AGPAT4: variants seen among roughly 807,000 people sequenced by gnomAD.
AGPAT4 encodes 1-acylglycerol-3-phosphate O-acyltransferase 4, also known as 1-acyl-sn-glycerol-3-phosphate acyltransferase delta.
AGPAT4 carries 15 observed loss-of-function variants against 48.0 expected under a neutral mutation model. The ratio of observed to expected loss-of-function variants is 0.31; its 90% CI spans 0.21 to 0.48. The LOEUF is 0.48. Ranked by LOEUF, AGPAT4 falls within the 20% of genes least tolerant of loss-of-function variation. The probability of loss-of-function intolerance (pLI) is 0.99; values close to 1 mark genes in which losing one functional copy is unlikely to be tolerated. For missense variants in AGPAT4, 314 were observed against 482.5 expected (o/e 0.65, Z 3.27); for synonymous variants, 178 against 198.7 (o/e 0.90, Z 0.88).
In AGPAT4 at chr6:161,245,885, A is replaced by G. The variant is rs1782633334; in HGVS notation, c.-89-13583T>C. Among the ~76,000 whole-genome samples the G allele has an allele frequency of 6.6e-6, 1 of 152,232 alleles. No homozygotes were observed. Among genetic ancestry groups the G allele is most frequent in the South Asian group, 2.1e-4 (1 of 4,834 alleles). On this transcript the variant is annotated intron_variant, in intron 1 of 8. Transcript: ENST00000320285. This position sits in a 1 kb window ranked among gnomAD's most constrained non-coding sequence, Gnocchi z 5.2. ...CCCCAGTTTGATTCATGCATAATGG[A>G]CCTGAAGAGAGACTTATTAGAAAAC...
rs1389485612 is a variant in AGPAT4 at position 161,196,347 on chromosome 6, C to A, written c.179-29930G>T. ...AAAAAAAAGAGGCAGTCAGGGCAAA[C>A]CCAACAGATAAGTCACATCAAATAA... On this transcript the variant is annotated intron_variant, in intron 2 of 8. Coordinates refer to ENST00000320285, the MANE Select transcript of AGPAT4 (RefSeq NM_020133.3). The surrounding 1 kb of genome is among the most constrained non-coding windows in gnomAD (Gnocchi z 4.3). 6.6e-6 allele frequency among the ~76,000 whole-genome samples: 1 copy of A among 152,096 alleles called. No homozygotes were observed. The highest frequency in any genetic ancestry group is 1.5e-5 in the Non-Finnish European group (1 of 68,020).
rs1783185002 is a variant in AGPAT4, at chr6:161,264,297, G to A, written c.-90+9641C>T. On this transcript the variant is annotated intron_variant, in intron 1 of 8. Transcript: ENST00000320285. This position sits in a 1 kb window ranked among gnomAD's most constrained non-coding sequence, Gnocchi z 6.8. ...CTTCTGGGCCTCCCCTCCCAGAGCT[G>A]CAGGATGCTCAGCCTCTCTCTGCTT... Among the ~76,000 whole-genome samples the A allele has an allele frequency of 1.3e-5, 2 of 152,052 alleles. No homozygotes were observed. The highest frequency in any genetic ancestry group is 1.5e-5 in the Non-Finnish European group (1 of 68,016).
At chr6:161,192,864 G>C (rs1780964262) in intron 2 of AGPAT4, among the ~76,000 whole-genome samples, 1 of 152,182 alleles carries the variant, frequency 6.6e-6, no homozygotes, top group African/African-American at 2.4e-5. Flanking sequence ...GCTGCAGCTG[G>C]GAAGAAGTTA....
At position 161,144,005 on chromosome 6, in the gene AGPAT4, G is replaced by T. The variant is rs375701472; in HGVS notation, c.843+2519C>A. ...ACACCACACTTCTGACTGCAAGGTT[G>T]ATCATTAAAATGAAATCCCACTTTG... On this transcript the variant is annotated intron_variant, in intron 7 of 8. Transcript: ENST00000320285. This position sits in a 1 kb window ranked among gnomAD's most constrained non-coding sequence, Gnocchi z 6.6. The T allele has an allele frequency of 2.5e-6, 1 of 404,730 alleles. No individual in the cohort carries two copies. The highest frequency in any genetic ancestry group is 6.5e-5 in the East Asian group (1 of 15,430). 25.1% of individuals were successfully genotyped at this position (404,730 alleles called of 1,614,324 possible).
intron 2 of AGPAT4, among the ~76,000 whole-genome samples, chr6:161,230,514 A>C (rs187467020): frequency 2.9e-3 from 447 of 152,366 alleles, no homozygotes; most frequent in South Asian, 3.9e-3. Flanking sequence ...ATCTCAGTCA[A>C]CTGTCTCCTT....
chr6:161,168,128 G>C (rs75533358), intron 2 of AGPAT4, among the ~76,000 whole-genome samples: 2 of 148,160 alleles, frequency 1.3e-5, no homozygotes, highest in African/African-American at 5.3e-5. Flanking sequence ...AGGCGGTGGT[G>C]GGGTGGGGGG....
rs533793228 is a variant in AGPAT4, at chr6:161,240,212, C to A, written c.-89-7910G>T. Among the ~76,000 whole-genome samples, 21 of 143,720 alleles carry A rather than the reference C, an allele frequency of 1.5e-4. No homozygotes were observed. The South Asian group carries it at 4.8e-3, about 33-fold the overall frequency. 94.3% of individuals were successfully genotyped at this position (143,720 alleles called of 152,430 possible). ...TTACCAAAACACTAACAGCAGATAT[C>A]TTTGTGTATACACACACACACACAC... On this transcript the variant is annotated intron_variant, in intron 1 of 8. Transcript: ENST00000320285. This position sits in a 1 kb window ranked among gnomAD's most constrained non-coding sequence, Gnocchi z 5.5.
Position 161,139,632 on chromosome 6 carries a change from G to A in AGPAT4, c.844-12C>T, listed in dbSNP as rs180707058. Reference sequence around the variant, plus strand: ...TCCTGAAAGGCATCCTGGGGGACAGGAAAGAGGACCCTCAGACGCCACACG... The same window carrying A: ...TCCTGAAAGGCATCCTGGGGGACAGAAAAGAGGACCCTCAGACGCCACACG... On this transcript the variant is annotated splice_polypyrimidine_tract_variant and intron_variant, in intron 7 of 8. Transcript: ENST00000320285. This position sits in a 1 kb window ranked among gnomAD's most constrained non-coding sequence, Gnocchi z 9.1. 6.3e-7 allele frequency: 1 copy of A among 1,589,782 alleles called. No homozygotes were observed. The highest frequency in any genetic ancestry group is 2.3e-5 in the East Asian group (1 of 44,312).
rs991674704 is a variant in AGPAT4 at position 161,270,766 on chromosome 6, A to G, written c.-90+3172T>C. Among the ~76,000 whole-genome samples the G allele has an allele frequency of 1.3e-5, 2 of 151,780 alleles. No individual in the cohort carries two copies. The highest frequency in any genetic ancestry group is 1.3e-4 in the Admixed American group (2 of 15,246). On this transcript the variant is annotated intron_variant, in intron 1 of 8. Coordinates refer to ENST00000320285, the MANE Select transcript of AGPAT4 (RefSeq NM_020133.3). This position sits in a 1 kb window ranked among gnomAD's most constrained non-coding sequence, Gnocchi z 5.3. ...CATTGCACTCCAGCCTGGGCGACAG[A>G]GCAAGACTTCATCTCAAAAAAAAAA... is the stretch of plus-strand genomic sequence containing the variant.
rs985514608 is a variant in AGPAT4 at position 161,223,991 on chromosome 6, A to G, written c.178+8045T>C. Among the ~76,000 whole-genome samples, 15 of 152,216 alleles carry G rather than the reference A, an allele frequency of 9.9e-5. No homozygotes were observed. Among genetic ancestry groups the G allele is most frequent in the African/African-American group, 2.7e-4 (11 of 41,456 alleles). On this transcript the variant is annotated intron_variant, in intron 2 of 8. Transcript: ENST00000320285. This position sits in a 1 kb window ranked among gnomAD's most constrained non-coding sequence, Gnocchi z 6.3. ...GTGTTGTTCCTCTTAGCCTGCACGG[A>G]TCGTGATTCTTTTATTTTTCTCCCA...
rs1780505786 is a variant in AGPAT4 at position 161,178,908 on chromosome 6, C to A, written c.179-12491G>T. ...ATTCTGCTCTTGCAGCCACATCTGGCTTTGACCAGTTGCTGCTGCCTGTTC... is the reference window on the plus strand; with the variant it reads ...ATTCTGCTCTTGCAGCCACATCTGGATTTGACCAGTTGCTGCTGCCTGTTC... On this transcript the variant is annotated intron_variant, in intron 2 of 8. Coordinates refer to ENST00000320285, the MANE Select transcript of AGPAT4 (RefSeq NM_020133.3). The surrounding 1 kb of genome is among the most constrained non-coding windows in gnomAD (Gnocchi z 5.1). Among the ~76,000 whole-genome samples, 1 of 152,228 alleles carries A rather than the reference C, an allele frequency of 6.6e-6. No individual in the cohort carries two copies. Among genetic ancestry groups the A allele is most frequent in the South Asian group, 2.1e-4 (1 of 4,838 alleles).
rs544197890 is a variant in AGPAT4, at chr6:161,148,435, A to G, written c.767+752T>C. 6.6e-6 allele frequency among the ~76,000 whole-genome samples: 1 copy of G among 152,292 alleles called. No individual in the cohort carries two copies. The highest frequency in any genetic ancestry group is 1.9e-4 in the East Asian group (1 of 5,186). On this transcript the variant is annotated intron_variant, in intron 6 of 8. Transcript: ENST00000320285. This position sits in a 1 kb window ranked among gnomAD's most constrained non-coding sequence, Gnocchi z 5.5. ...GGGAATGTAGGGCCCCTGGATTTTC[A>G]GGGTGCTGTGTTGTAATGTGGCTTC...
At position 161,264,537 on chromosome 6, in the gene AGPAT4, G is replaced by T. The variant is rs945791935; in HGVS notation, c.-90+9401C>A. 3.3e-4 allele frequency among the ~76,000 whole-genome samples: 50 copies of T among 152,186 alleles called. No homozygotes were observed. The highest frequency in any genetic ancestry group is 1.1e-3 in the African/African-American group (46 of 41,450). On this transcript the variant is annotated intron_variant, in intron 1 of 8. Coordinates refer to ENST00000320285, the MANE Select transcript of AGPAT4 (RefSeq NM_020133.3). This position sits in a 1 kb window ranked among gnomAD's most constrained non-coding sequence, Gnocchi z 6.8. ...AGCCCAGACTGGGCAGGGGTGGTGAGGTGGTCCCCCTGGCGTGCCCGCGCA... is the reference window on the plus strand; with the variant it reads ...AGCCCAGACTGGGCAGGGGTGGTGATGTGGTCCCCCTGGCGTGCCCGCGCA...
Position 161,272,457 on chromosome 6 carries a change from T to C in AGPAT4, c.-90+1481A>G, listed in dbSNP as rs749910893. Among the ~76,000 whole-genome samples the C allele has an allele frequency of 6.6e-6, 1 of 152,184 alleles. No individual in the cohort carries two copies. Among genetic ancestry groups the C allele is most frequent in the African/African-American group, 2.4e-5 (1 of 41,424 alleles). On this transcript the variant is annotated intron_variant, in intron 1 of 8. Coordinates refer to ENST00000320285, the MANE Select transcript of AGPAT4 (RefSeq NM_020133.3). The surrounding 1 kb of genome is among the most constrained non-coding windows in gnomAD (Gnocchi z 4.2). ...TGGTATCCCTTATCAAACGCTTCCT[T>C]AGACGTACTGAATAAAAGCATCAGT... is the stretch of plus-strand genomic sequence containing the variant.
rs751043598 is a variant in AGPAT4 at position 161,262,544 on chromosome 6, T to A, written c.-90+11394A>T. On this transcript the variant is annotated intron_variant, in intron 1 of 8. Transcript: ENST00000320285. This position sits in a 1 kb window ranked among gnomAD's most constrained non-coding sequence, Gnocchi z 4.9. Reference sequence around the variant, plus strand: ...TTGGTTTGCTTGTCCCTGGGCAAAGTCCCCAGCCTAGAGTTCCTCCTTCCA... The same window carrying A: ...TTGGTTTGCTTGTCCCTGGGCAAAGACCCCAGCCTAGAGTTCCTCCTTCCA... 4.2e-4 allele frequency among the ~76,000 whole-genome samples: 64 copies of A among 152,198 alleles called. No homozygotes were observed. The highest frequency in any genetic ancestry group is 7.9e-4 in the Non-Finnish European group (54 of 68,002).
intron 8 of AGPAT4, 65 bp from the exon 9 acceptor site, chr6:161,136,699 G>A: frequency 1.4e-6 from 2 of 1,435,992 alleles, no homozygotes; most frequent in Non-Finnish European, 2.0e-6. Flanking sequence ...TTTTCCCACA[G>A]AGCAAGTGAG....
Position 161,232,261 on chromosome 6 carries a change from A to T in AGPAT4, c.-48T>A, listed in dbSNP as rs994620750. On this transcript the variant is annotated 5_prime_UTR_variant, in exon 2 of 9. Coordinates refer to ENST00000320285, the MANE Select transcript of AGPAT4 (RefSeq NM_020133.3). This position sits in a 1 kb window ranked among gnomAD's most constrained non-coding sequence, Gnocchi z 6.8. ...GAAATAAATAACTACCCACAGTCAA[A>T]GATTTCCAGAAGGAAGAAAGATCCA... is the stretch of plus-strand genomic sequence containing the variant. 1.1e-5 allele frequency: 17 copies of T among 1,555,838 alleles called. No individual in the cohort carries two copies. The highest frequency in any genetic ancestry group is 1.4e-5 in the Non-Finnish European group (16 of 1,143,562).
chr6:161,243,338 G>C lies in AGPAT4; in HGVS notation c.-89-11036C>G, dbSNP rs546451847. Among the ~76,000 whole-genome samples the C allele has an allele frequency of 2.0e-5, 3 of 152,056 alleles. No homozygotes were observed. In the East Asian group the frequency reaches 5.8e-4, roughly 29 times the overall value. On this transcript the variant is annotated intron_variant, in intron 1 of 8. Transcript: ENST00000320285. The surrounding 1 kb of genome is among the most constrained non-coding windows in gnomAD (Gnocchi z 4.8). Reference sequence around the variant, plus strand: ...CGTGAGGTGGCTGGCATCCCCAGCCGGCACTAAAAACAAAAAGAGAGAGCT... The same window carrying C: ...CGTGAGGTGGCTGGCATCCCCAGCCCGCACTAAAAACAAAAAGAGAGAGCT...
chr6:161,188,757 G>A (rs746731), intron 2 of AGPAT4, among the ~76,000 whole-genome samples: 108,224 of 152,054 alleles, frequency 0.71, 39,694 homozygotes, highest in East Asian at 0.91. Context: ...AGGGCAGCTT[G>A]GGGAGGAACT....
Sources: allele counts gnomAD v4.1 joint callset (sites outside exome capture counted in the v4.1 genomes callset), GRCh38; gene constraint gnomAD v4.1.1; non-coding constraint Gnocchi (gnomAD v3.1); transcripts MANE v1.5; gene names NCBI Gene and HGNC (gene_info 2026-07-23, HGNC 2026-07-21).